Variants in PIGN observed in about 807,000 individuals in gnomAD.
PIGN encodes the protein phosphatidylinositol glycan anchor biosynthesis class N, also known as GPI ethanolamine phosphate transferase 1.
In PIGN, 117 loss-of-function variants were observed where a neutral mutation model predicts 125.4. The ratio of observed to expected loss-of-function variants is 0.93; its 90% CI spans 0.80 to 1.09. The LOEUF (loss-of-function observed/expected upper bound fraction) is 1.09. Among genes scored for constraint, PIGN ranks in the 50% least tolerant of loss-of-function variants. The pLI is 0.00. For synonymous variants in PIGN, 392 were observed against 377.8 expected (o/e 1.04, Z -0.44); for missense variants, 1,075 against 1,094.9 (o/e 0.98, Z 0.26).
At chr18:62,085,777 A>G (rs1350814928) in intron 25 of PIGN, among the ~76,000 whole-genome samples, 1 of 152,218 alleles carries the variant, frequency 6.6e-6, no homozygotes, top group Non-Finnish European at 1.5e-5. Flanking sequence ...TCTTTTTGAC[A>G]TTTCTGAAAC....
At position 62,113,140 on chromosome 18, in the gene PIGN, T is replaced by A. The variant is rs182470608; in HGVS notation, c.1428A>T (p.Glu476Asp). Residue 476 changes from glutamate (E) to aspartate (D), a missense_variant, in exon 16 of 31, where the codon GAA (glutamate) becomes GAT (aspartate). By Grantham distance (45) the Glu-to-Asp change is conservative (BLOSUM62 2). Coordinates refer to ENST00000640252, the MANE Select transcript of PIGN (RefSeq NM_176787.5). ...TCACATTTTCTAAACGTACCTTCAC[T>A]TCTTTACTAACACCTTTTATAAGGT... The part of the protein sequence containing the change: ...HSNLIKGVSK[E>D]VKKPSHLLPC... 1.1e-4 allele frequency: 180 copies of A among 1,605,154 alleles called. No individual in the cohort carries two copies. Among genetic ancestry groups the A allele is most frequent in the Non-Finnish European group, 8.1e-5 (95 of 1,174,926 alleles).
intron 14 of PIGN, among the ~76,000 whole-genome samples, chr18:62,125,217 C>T (rs541003629): frequency 1.3e-4 from 20 of 149,050 alleles, no homozygotes; most frequent in African/African-American, 2.5e-4. Context: ...TAAATATACA[C>T]GTTTGTACAT....
chr18:62,098,992 TTTGACAGAATCTTC>T (rs147505372), intron 22 of PIGN, among the ~76,000 whole-genome samples: 16,190 of 151,814 alleles, frequency 0.11, 1,098 homozygotes, highest in Non-Finnish European at 0.15. Context: ...CAACATAAGA[TTTGACAGAATCTTC>T]TTGACAGAAT....
intron 14 of PIGN, among the ~76,000 whole-genome samples, chr18:62,126,432 T>C (rs2035537828): frequency 6.6e-6 from 1 of 152,148 alleles, no homozygotes; most frequent in African/African-American, 2.4e-5. Flanking sequence ...TTTATTAGGC[T>C]GGAGCAAAAG....
At chr18:62,019,927 C>T (rs914717876) in intron 23 of PIGN, among the ~76,000 whole-genome samples, 4 of 152,230 alleles carry the variant, frequency 2.6e-5, no homozygotes, top group African/African-American at 7.2e-5. Context: ...CATAGCACAG[C>T]GTTGCTGCTG....
intron 23 of PIGN, among the ~76,000 whole-genome samples, chr18:62,023,774 T>A (rs1369336292): frequency 6.6e-6 from 1 of 152,258 alleles, no homozygotes; most frequent in Non-Finnish European, 1.5e-5. Context: ...TGTCTGTGCA[T>A]GAACTGAGTA....
rs1190165736 is a variant in PIGN at position 62,041,233 on chromosome 18, A to T, written c.*4623T>A. The T allele has an allele frequency of 4.6e-5, 7 of 152,152 alleles. No individual in the cohort carries two copies. The highest frequency in any genetic ancestry group is 1.0e-4 in the Non-Finnish European group (7 of 68,034). 9.4% of individuals were successfully genotyped at this position (152,152 alleles called of 1,614,324 possible). A position where few individuals can be genotyped will look rare whatever the true frequency, so the allele number is the denominator to read the frequency against. ...CATAAGGTATGAAGGCTTAGTCTAT[A>T]CTCTAGCAGGGCTAGACAATGAGCC... On this transcript the variant is annotated 3_prime_UTR_variant, in exon 31 of 31. Transcript: ENST00000640252.
chr18:62,046,949 G>A (rs1295921353), intron 30 of PIGN, among the ~76,000 whole-genome samples: 2 of 152,140 alleles, frequency 1.3e-5, no homozygotes, highest in Non-Finnish European at 2.9e-5. Context: ...AGAATTTCCT[G>A]AATTTTCTTT....
intron 7 of PIGN, among the ~76,000 whole-genome samples, chr18:62,152,469 G>T (rs2036572646): frequency 6.6e-6 from 1 of 152,042 alleles, no homozygotes; most frequent in Admixed American, 6.6e-5. Context: ...CGCCCTGGCT[G>T]AGAAAGTCCA....
chr18:62,157,271 C>CAT lies in PIGN; in HGVS notation c.344-45_344-44insAT, dbSNP rs1568239985. ...CAGTAATAGTTATATACACATGGTA[C>CAT]AATAAGCCCCTAAAGAACTATTCTT... On this transcript the variant is annotated intron_variant, in intron 5 of 30. Coordinates refer to ENST00000640252, the MANE Select transcript of PIGN (RefSeq NM_176787.5). The CAT allele has an allele frequency of 3.2e-6, 3 of 933,878 alleles. No homozygotes were observed. The Admixed American group carries it at 6.2e-5, about 19-fold the overall frequency. 57.8% of individuals were successfully genotyped at this position (933,878 alleles called of 1,614,324 possible).
intron 14 of PIGN, among the ~76,000 whole-genome samples, chr18:62,128,830 T>G (rs916150405): frequency 1.3e-5 from 2 of 152,186 alleles, no homozygotes; most frequent in African/African-American, 4.8e-5. Context: ...TTCTTTAATA[T>G]ATTTAACATG....
At chr18:62,136,797 C>T (rs1336139523) in intron 14 of PIGN, 4 of 343,034 alleles carry the variant, frequency 1.2e-5, no homozygotes, top group Non-Finnish European at 2.1e-5. Flanking sequence ...TGAATGTGAA[C>T]CTCAAAGATG....
Position 62,107,690 on chromosome 18 carries a change from G to A in PIGN, c.1575-605C>T, listed in dbSNP as rs908784076. On this transcript the variant is annotated intron_variant, in intron 17 of 30. Coordinates refer to ENST00000640252, the MANE Select transcript of PIGN (RefSeq NM_176787.5). ...CTTGTTTGATCTTAGTTTAAACACG[G>A]ATTCATACAATTACAGATACAACAT... The A allele has an allele frequency of 8.6e-4, 131 of 151,676 alleles. 11 individuals carry two copies. Among genetic ancestry groups the A allele is most frequent in the Non-Finnish European group, 2.2e-4 (15 of 68,034 alleles). 9.4% of individuals were successfully genotyped at this position (151,676 alleles called of 1,614,324 possible).
chr18:62,111,431 T>C (rs2034875679), intron 16 of PIGN, among the ~76,000 whole-genome samples: 1 of 152,130 alleles, frequency 6.6e-6, no homozygotes, highest in African/African-American at 2.4e-5. Flanking sequence ...CAAGACTTAC[T>C]TTTTCCTGTT....
chr18:62,024,397 C>T (rs562493161), intron 23 of PIGN, among the ~76,000 whole-genome samples: 1 of 152,272 alleles, frequency 6.6e-6, no homozygotes, highest in Admixed American at 6.5e-5. Flanking sequence ...CTCATGAGGG[C>T]TTCACCGATT....
intron 25 of PIGN, among the ~76,000 whole-genome samples, chr18:62,087,748 T>G (rs1881139911): frequency 6.6e-6 from 1 of 152,188 alleles, no homozygotes; most frequent in African/African-American, 2.4e-5. Context: ...TTACAAGCCA[T>G]GTATCTGATA....
chr18:62,040,807 A>T (rs1342391984), downstream of PIGN, among the ~76,000 whole-genome samples: 1 of 152,234 alleles, frequency 6.6e-6, no homozygotes, highest in Non-Finnish European at 1.5e-5. Flanking sequence ...GTAACAGTTT[A>T]TGTCTGTAAG....
intron 14 of PIGN, among the ~76,000 whole-genome samples, chr18:62,117,506 A>G (rs1338289658): frequency 6.6e-6 from 1 of 152,022 alleles, no homozygotes; most frequent in Non-Finnish European, 1.5e-5. Context: ...AGATTTTTAA[A>G]ATAGGGATTG....
chr18:62,065,510 G>A (rs1486712670), intron 30 of PIGN, among the ~76,000 whole-genome samples: 5 of 152,098 alleles, frequency 3.3e-5, no homozygotes, highest in Admixed American at 2.0e-4. Flanking sequence ...AGGCCGAGGC[G>A]GGCGGATCAC....
Sources: gnomAD v4.1 joint callset for allele counts (sites outside exome capture counted in the v4.1 genomes callset) on GRCh38, gnomAD v4.1.1 for gene constraint, MANE v1.5 for transcripts, NCBI Gene and HGNC (gene_info 2026-07-23, HGNC 2026-07-21) for gene names.